EXOC2: variants seen among roughly 807,000 people sequenced by gnomAD.
The protein encoded by EXOC2 is exocyst complex component 2, also known as SEC5-like 1.
A neutral mutation model predicts 131.8 loss-of-function variants in EXOC2; 70 were observed. The observed-to-expected ratio is 0.53, with a 90% CI of 0.44 to 0.65. EXOC2 has a LOEUF of 0.65. Ranked by LOEUF, EXOC2 falls within the 30% of genes least tolerant of loss-of-function variation. The pLI, the probability that EXOC2 is intolerant of heterozygous loss-of-function variation, is 0.00. For synonymous variants in EXOC2, 411 were observed against 398.4 expected (o/e 1.03, Z -0.38); for missense variants, 923 against 1,108.6 (o/e 0.83, Z 2.38).
chr6:604,767 T>C (rs1192539389), intron 7 of EXOC2, among the ~76,000 whole-genome samples: 1 of 148,372 alleles, frequency 6.7e-6, no homozygotes, highest in South Asian at 2.2e-4. Context: ...CGCTGGCCTC[T>C]GCTTGTCTCT....
At chr6:653,897 T>C (rs963096688) in intron 1 of EXOC2, among the ~76,000 whole-genome samples, 1 of 152,220 alleles carries the variant, frequency 6.6e-6, no homozygotes, top group African/African-American at 2.4e-5. Context: ...TAATTTTCAG[T>C]TGAAGCCAAT....
At chr6:511,573 G>A (rs990827225) in intron 23 of EXOC2, among the ~76,000 whole-genome samples, 1 of 152,208 alleles carries the variant, frequency 6.6e-6, no homozygotes, top group African/African-American at 2.4e-5. Flanking sequence ...TGGGACTGAC[G>A]ACATTGAAGT....
intron 22 of EXOC2, among the ~76,000 whole-genome samples, chr6:545,604 T>C (rs137994676): frequency 1.7e-3 from 261 of 152,304 alleles, no homozygotes; most frequent in African/African-American, 6.0e-3. Context: ...TGAAAGCCTA[T>C]TTTAACCTAT....
intron 1 of EXOC2, among the ~76,000 whole-genome samples, chr6:685,175 C>T (rs895022492): frequency 1.3e-5 from 2 of 152,118 alleles, no homozygotes; most frequent in South Asian, 2.1e-4. Flanking sequence ...GTCCACCCTT[C>T]CCCATATATG....
intron 1 of EXOC2, chr6:656,620 G>A (rs539446508): frequency 1.2e-6 from 2 of 1,602,518 alleles, no homozygotes; most frequent in African/African-American, 1.3e-5. Context: ...AGGGAGGGGC[G>A]GCGCTTGTGG....
rs780160039 is a variant in EXOC2, at chr6:656,968, G to A, written c.-43-19107C>T. On this transcript the variant is annotated intron_variant, in intron 1 of 27. Transcript: ENST00000230449. Reference sequence around the variant, plus strand: ...ATGATGCCACAGGGAAGGCAGCTGGGGGCCTCTGAGGGGGATTCCGCGTGC... The same window carrying A: ...ATGATGCCACAGGGAAGGCAGCTGGAGGCCTCTGAGGGGGATTCCGCGTGC... The A allele has an allele frequency of 1.0e-5, 15 of 1,492,304 alleles. No individual in the cohort carries two copies. In the South Asian group the frequency reaches 1.2e-4, roughly 12 times the overall value. 92.4% of individuals were successfully genotyped at this position (1,492,304 alleles called of 1,614,324 possible). A position where few individuals can be genotyped will look rare whatever the true frequency, so the allele number is the denominator to read the frequency against.
intron 24 of EXOC2, 30 bp downstream of exon 24, chr6:499,615 A>C: frequency 1.9e-6 from 3 of 1,578,826 alleles, no homozygotes; most frequent in Non-Finnish European, 2.6e-6. Context: ...GGTTATCCAT[A>C]TCTCTTAGGA....
intron 1 of EXOC2, among the ~76,000 whole-genome samples, chr6:652,889 G>A (rs1426985915): frequency 6.6e-6 from 1 of 152,192 alleles, no homozygotes; most frequent in African/African-American, 2.4e-5. Flanking sequence ...CATCAAGCAA[G>A]CCTATCAGTG....
chr6:583,493 C>CA (rs199985581), intron 11 of EXOC2, among the ~76,000 whole-genome samples: 4,756 of 151,566 alleles, frequency 0.031, 246 homozygotes, highest in African/African-American at 0.11. Context: ...ACAGGAGACA[C>CA]AAAAAAAAGA....
At chr6:524,081 T>C (rs1765620868) in intron 23 of EXOC2, 1 of 152,212 alleles carries the variant, frequency 6.6e-6, no homozygotes, top group Non-Finnish European at 1.5e-5. Context: ...GCTCTGCTTA[T>C]GGATTTATTT....
At chr6:533,394 T>C (rs370152590) in intron 22 of EXOC2, among the ~76,000 whole-genome samples, 41 of 152,316 alleles carry the variant, frequency 2.7e-4, no homozygotes, top group Middle Eastern at 3.4e-3. Context: ...ATAAGCCTGC[T>C]CTGACACTCC....
chr6:504,722 C>G (rs369068313), intron 23 of EXOC2, among the ~76,000 whole-genome samples: 1 of 152,116 alleles, frequency 6.6e-6, no homozygotes, highest in Admixed American at 6.6e-5. Flanking sequence ...ATTTTGCTAA[C>G]GAAGCTGTTA....
intron 22 of EXOC2, among the ~76,000 whole-genome samples, chr6:533,040 A>G (rs1004467148): frequency 5.3e-5 from 8 of 152,204 alleles, no homozygotes; most frequent in Non-Finnish European, 8.8e-5. Context: ...TGGAAGGGGA[A>G]GAGAGCCCCT....
At chr6:625,529 T>A (rs1761518583) in intron 4 of EXOC2, among the ~76,000 whole-genome samples, 1 of 150,026 alleles carries the variant, frequency 6.7e-6, no homozygotes, top group Admixed American at 6.6e-5. Context: ...TTTTTTTTTT[T>A]TTTTTTTTTT....
chr6:681,294 T>C (rs1309940867), intron 1 of EXOC2, among the ~76,000 whole-genome samples: 2 of 152,212 alleles, frequency 1.3e-5, no homozygotes, highest in African/African-American at 4.8e-5. Context: ...CAACTCCTTT[T>C]CTATCGGTCA....
chr6:547,336 C>A (rs1403911643), intron 22 of EXOC2, among the ~76,000 whole-genome samples: 2 of 152,204 alleles, frequency 1.3e-5, no homozygotes, highest in Non-Finnish European at 2.9e-5. Context: ...GAGGAAATAT[C>A]CCCGGAGGAA....
At chr6:532,352 T>C in intron 23 of EXOC2, 117 bp downstream of exon 23, 1 of 1,121,328 alleles carries the variant, frequency 8.9e-7, no homozygotes. Context: ...AAAATCAAAT[T>C]AATCTCTCAC....
intron 11 of EXOC2, among the ~76,000 whole-genome samples, chr6:584,235 G>A (rs943298362): frequency 6.6e-6 from 1 of 152,068 alleles, no homozygotes; most frequent in African/African-American, 2.4e-5. Flanking sequence ...TCGCATACAG[G>A]AAGTCTACCT....
intron 6 of EXOC2, among the ~76,000 whole-genome samples, chr6:614,365 CAT>C (rs1224705464): frequency 6.6e-6 from 1 of 152,228 alleles, no homozygotes; most frequent in Admixed American, 6.5e-5. Flanking sequence ...GCAAGTACTC[CAT>C]GTGTGTGTCA....
Sources: allele counts gnomAD v4.1 joint callset (sites outside exome capture counted in the v4.1 genomes callset), GRCh38; gene constraint gnomAD v4.1.1; transcripts MANE v1.5; gene names NCBI Gene and HGNC (gene_info 2026-07-23, HGNC 2026-07-21).